The following CDKAL1 variants were observed in gnomAD, a reference collection of about 807,000 sequenced individuals.
CDKAL1 encodes CDKAL1 threonylcarbamoyladenosine tRNA methylthiotransferase, also known as threonylcarbamoyladenosine tRNA methylthiotransferase.
A neutral mutation model predicts 68.2 loss-of-function variants in CDKAL1; 32 were observed. The observed-to-expected ratio is 0.47, with a 90% CI of 0.35 to 0.63. The LOEUF is 0.63. Among genes scored for constraint, CDKAL1 ranks in the 30% least tolerant of loss-of-function variants. The probability of loss-of-function intolerance (pLI) is 0.00; values close to 1 mark genes in which losing one functional copy is unlikely to be tolerated. For missense variants in CDKAL1, 606 were observed against 696.7 expected (o/e 0.87, Z 1.47); for synonymous variants, 234 against 244.3 (o/e 0.96, Z 0.39).
In CDKAL1 at chr6:21,055,239, T is replaced by A. The variant is rs988384103; in HGVS notation, c.1056-9809T>A. 3.9e-5 allele frequency among the ~76,000 whole-genome samples: 6 copies of A among 152,326 alleles called. No individual in the cohort carries two copies. In the East Asian group the frequency reaches 7.7e-4, roughly 20 times the overall value. Reference sequence around the variant, plus strand: ...GGTCATGATATATAATCATTTTTTTTAATTTTGCCAGGTTCAGTTTGCCAA... The same window carrying A: ...GGTCATGATATATAATCATTTTTTTAAATTTTGCCAGGTTCAGTTTGCCAA... On this transcript the variant is annotated intron_variant, in intron 11 of 15. Coordinates refer to ENST00000274695, the MANE Select transcript of CDKAL1 (RefSeq NM_017774.3).
At chr6:20,909,630 T>A (rs527760311) in intron 9 of CDKAL1, among the ~76,000 whole-genome samples, 40 of 152,204 alleles carry the variant, frequency 2.6e-4, no homozygotes, top group Non-Finnish European at 4.3e-4. Flanking sequence ...TGGAAACATA[T>A]TTCAATGCTT....
intron 12 of CDKAL1, among the ~76,000 whole-genome samples, chr6:21,086,117 C>G (rs1772678628): frequency 6.6e-6 from 1 of 152,102 alleles, no homozygotes. Flanking sequence ...ATCTTCATGC[C>G]AACCCTGTGG....
At chr6:21,098,101 A>G (rs1773404638) in intron 12 of CDKAL1, among the ~76,000 whole-genome samples, 1 of 152,212 alleles carries the variant, frequency 6.6e-6, no homozygotes, top group African/African-American at 2.4e-5. Flanking sequence ...TGCCTGCACA[A>G]TGGGCACACA....
At position 20,613,933 on chromosome 6, in the gene CDKAL1, T is replaced by C. The variant is rs76367723; in HGVS notation, c.287-35360T>C. Among the ~76,000 whole-genome samples, 847 of 152,316 alleles carry C rather than the reference T, an allele frequency of 5.6e-3. 24 individuals carry two copies. Among genetic ancestry groups the C allele is most frequent in the Admixed American group, 0.048 (729 of 15,292 alleles). ...AATTTATGCTCCCATCAACAACATATATGCTTGCTGGTTTCCCCAGAACCT... is the reference window on the plus strand; with the variant it reads ...AATTTATGCTCCCATCAACAACATACATGCTTGCTGGTTTCCCCAGAACCT... On this transcript the variant is annotated intron_variant, in intron 4 of 15. Coordinates refer to ENST00000274695, the MANE Select transcript of CDKAL1 (RefSeq NM_017774.3).
At chr6:20,918,961 A>C (rs1280008537) in intron 9 of CDKAL1, among the ~76,000 whole-genome samples, 1 of 152,240 alleles carries the variant, frequency 6.6e-6, no homozygotes, top group Non-Finnish European at 1.5e-5. Context: ...TCACTTCTTC[A>C]GTCAAAACAA....
At chr6:21,129,084 G>A (rs940108835) in intron 13 of CDKAL1, among the ~76,000 whole-genome samples, 3 of 152,166 alleles carry the variant, frequency 2.0e-5, no homozygotes, top group African/African-American at 7.2e-5. Flanking sequence ...TTATTATAAG[G>A]ATTAAACAAG....
At chr6:21,075,255 A>G (rs949781485) in intron 12 of CDKAL1, among the ~76,000 whole-genome samples, 6 of 131,068 alleles carry the variant, frequency 4.6e-5, no homozygotes, top group African/African-American at 1.7e-4. Context: ...TCCCCTGTAG[A>G]TGACATAAGG....
At chr6:20,576,759 C>CT (rs1330567971) in intron 4 of CDKAL1, among the ~76,000 whole-genome samples, 2 of 152,166 alleles carry the variant, frequency 1.3e-5, no homozygotes, top group Non-Finnish European at 2.9e-5. Context: ...ACACCTCCCA[C>CT]TTGACTGTAG....
At chr6:21,215,627 T>TA (rs1779314091) in intron 15 of CDKAL1, among the ~76,000 whole-genome samples, 1 of 152,174 alleles carries the variant, frequency 6.6e-6, no homozygotes, top group Non-Finnish European at 1.5e-5. Flanking sequence ...TTGGATCTGG[T>TA]AAAAAGAATC....
chr6:20,790,464 C>G (rs753463329), intron 8 of CDKAL1, among the ~76,000 whole-genome samples: 5 of 152,080 alleles, frequency 3.3e-5, no homozygotes, highest in Non-Finnish European at 7.4e-5. Flanking sequence ...AGGGAATGGT[C>G]GGAGAAAGGT....
At chr6:20,990,168 A>G (rs1766716414) in intron 10 of CDKAL1, among the ~76,000 whole-genome samples, 1 of 152,184 alleles carries the variant, frequency 6.6e-6, no homozygotes, top group Non-Finnish European at 1.5e-5. Flanking sequence ...TCTTGAACCC[A>G]GGAGGTGGAG....
intron 11 of CDKAL1, among the ~76,000 whole-genome samples, chr6:21,051,772 A>G (rs1268198384): frequency 2.0e-5 from 3 of 152,196 alleles, no homozygotes; most frequent in Admixed American, 6.5e-5. Context: ...AATACATATT[A>G]AGCACTATAT....
chr6:20,980,890 G>C (rs1207306826), intron 10 of CDKAL1, among the ~76,000 whole-genome samples: 1 of 152,188 alleles, frequency 6.6e-6, no homozygotes, highest in Non-Finnish European at 1.5e-5. Flanking sequence ...GTTCCCTCCA[G>C]GTCTACCTAC....
At chr6:20,977,777 CTG>C (rs1354214777) in intron 10 of CDKAL1, among the ~76,000 whole-genome samples, 1 of 152,122 alleles carries the variant, frequency 6.6e-6, no homozygotes, top group East Asian at 1.9e-4. Flanking sequence ...ATTCTGAAGA[CTG>C]AGGCAGGAAG....
intron 10 of CDKAL1, among the ~76,000 whole-genome samples, chr6:20,970,691 A>G (rs566042766): frequency 6.6e-6 from 1 of 152,314 alleles, no homozygotes; most frequent in Non-Finnish European, 1.5e-5. Flanking sequence ...AATGATCACT[A>G]TTAATTGAGT....
intron 2 of CDKAL1, among the ~76,000 whole-genome samples, chr6:20,537,252 C>T (rs1313974887): frequency 2.0e-5 from 3 of 152,302 alleles, no homozygotes; most frequent in African/African-American, 7.2e-5. Flanking sequence ...TCTATGTTCA[C>T]ATACTTCAGT....
chr6:20,634,382 T>A (rs915448317), intron 4 of CDKAL1, among the ~76,000 whole-genome samples: 7 of 152,254 alleles, frequency 4.6e-5, no homozygotes, highest in Non-Finnish European at 8.8e-5. Context: ...AATGTTTAAC[T>A]AGCTGCAAAT....
intron 9 of CDKAL1, among the ~76,000 whole-genome samples, chr6:20,874,503 T>G (rs1255198331): frequency 1.3e-5 from 2 of 152,046 alleles, no homozygotes; most frequent in Non-Finnish European, 2.9e-5. Context: ...ATTTATTTGT[T>G]TGTTTGTTTG....
At chr6:21,128,541 T>C (rs986839745) in intron 13 of CDKAL1, among the ~76,000 whole-genome samples, 1 of 152,264 alleles carries the variant, frequency 6.6e-6, no homozygotes, top group African/African-American at 2.4e-5. Flanking sequence ...CTGCCTTTGT[T>C]ACTTAAAACC....
Sources: allele counts gnomAD v4.1 joint callset (sites outside exome capture counted in the v4.1 genomes callset), GRCh38; gene constraint gnomAD v4.1.1; transcripts MANE v1.5; gene names NCBI Gene and HGNC (gene_info 2026-07-23, HGNC 2026-07-21).